Variants in DMD observed in about 807,000 individuals in gnomAD.
The protein encoded by DMD is dystrophin.
Under a neutral mutation model 330.1 loss-of-function variants are expected in DMD, and 63 were observed. The ratio of observed to expected loss-of-function variants is 0.19; its 90% CI spans 0.16 to 0.24. DMD has a LOEUF of 0.24. DMD is among the 10% of genes least tolerant of loss of function. The probability of loss-of-function intolerance (pLI) is 1.00; values close to 1 mark genes in which losing one functional copy is unlikely to be tolerated. For synonymous variants in DMD, 1,223 were observed against 959.8 expected, an observed-to-expected ratio of 1.27 and a Z score of -5.07; for missense variants, 3,344 against 2,684.1, an observed-to-expected ratio of 1.25 and a Z score of -5.43.
intron 19 of DMD, among the ~76,000 whole-genome samples, chrX:32,493,812 G>A (rs2043229977): frequency 9.0e-6 from 1 of 111,704 alleles, no homozygotes; most frequent in Non-Finnish European, 1.9e-5. Context: ...CAGATATTTA[G>A]GAGAAATATT....
intron 67 of DMD, among the ~76,000 whole-genome samples, chrX:31,183,868 T>C (rs113624509): frequency 1.4e-5 from 1 of 70,772 alleles, no homozygotes. Context: ...CTCCTTTTTT[T>C]AAAAAAAAAA....
In DMD at chrX:32,704,706, T is replaced by C. The variant is rs769981041; in HGVS notation, c.650-5413A>G. Among the ~76,000 whole-genome samples, 35 of 111,812 alleles carry C rather than the reference T, an allele frequency of 3.1e-4. No individual in the cohort carries two copies. In the South Asian group the frequency reaches 0.013, roughly 41 times the overall value. On this transcript the variant is annotated intron_variant, in intron 7 of 78. Transcript: ENST00000357033. ...ATCAACCTCCCCACAGGGTTTGTAT[T>C]AGGAAACAAAAATAAATAAATTCAC...
intron 13 of DMD, among the ~76,000 whole-genome samples, chrX:32,595,252 A>C: frequency 9.0e-6 from 1 of 111,569 alleles, no homozygotes; most frequent in Non-Finnish European, 1.9e-5. Flanking sequence ...AGCAAGTAGA[A>C]AACAAATACA....
intron 54 of DMD, among the ~76,000 whole-genome samples, chrX:31,629,321 C>T (rs1337672402): frequency 9.0e-6 from 1 of 111,527 alleles, no homozygotes; most frequent in African/African-American, 3.3e-5. Flanking sequence ...AGCAAAGCCC[C>T]CGGAAGAGCT....
chrX:33,117,064 T>TTA (rs371340026), intron 1 of DMD, among the ~76,000 whole-genome samples: 40,356 of 105,554 alleles, frequency 0.38, 6,303 homozygotes, highest in East Asian at 0.86. Flanking sequence ...CCAGGCCACA[T>TTA]TATATATATA....
At chrX:31,538,261 A>G (rs933060383) in intron 55 of DMD, among the ~76,000 whole-genome samples, 10 of 112,317 alleles carry the variant, frequency 8.9e-5, no homozygotes, top group Non-Finnish European at 1.9e-4. Context: ...ACATGAGGTC[A>G]GAAGTGGAGT....
intron 44 of DMD, among the ~76,000 whole-genome samples, chrX:31,987,143 T>C (rs1159054337): frequency 8.9e-6 from 1 of 112,344 alleles, no homozygotes; most frequent in African/African-American, 3.2e-5. Flanking sequence ...AAATCACTAC[T>C]GAATTGTTTA....
At chrX:32,189,370 C>CAAAA (rs201007036) in intron 44 of DMD, among the ~76,000 whole-genome samples, 1 of 82,016 alleles carries the variant, frequency 1.2e-5, no homozygotes, top group African/African-American at 4.0e-5. Flanking sequence ...CAGCAAACTA[C>CAAAA]AAAAAAAAAA....
At chrX:32,351,068 A>AG (rs1301790854) in intron 37 of DMD, among the ~76,000 whole-genome samples, 1 of 111,028 alleles carries the variant, frequency 9.0e-6, no homozygotes, top group East Asian at 2.8e-4. Flanking sequence ...TCTACCTCAC[A>AG]GGGCTATTAC....
chrX:33,003,042 C>A (rs2093322579), intron 2 of DMD, among the ~76,000 whole-genome samples: 1 of 108,978 alleles, frequency 9.2e-6, no homozygotes, highest in East Asian at 2.9e-4. Flanking sequence ...TTTTGGTTAC[C>A]TGGGTAAGTT....
At chrX:31,528,193 T>C (rs1445282739) in intron 55 of DMD, among the ~76,000 whole-genome samples, 4 of 94,300 alleles carry the variant, frequency 4.2e-5, no homozygotes, top group Non-Finnish European at 8.3e-5. Flanking sequence ...CAAGACACTT[T>C]AGGTTGTAAC....
intron 52 of DMD, among the ~76,000 whole-genome samples, chrX:31,685,733 G>T (rs910404219): frequency 8.0e-5 from 9 of 112,079 alleles, no homozygotes; most frequent in African/African-American, 2.9e-4. Context: ...TCCTCAGCTT[G>T]CTAGGTGCGC....
intron 55 of DMD, among the ~76,000 whole-genome samples, chrX:31,544,410 G>A (rs1327155348): frequency 9.1e-6 from 1 of 110,385 alleles, no homozygotes; most frequent in Admixed American, 9.6e-5. Flanking sequence ...AGCAGAAGCA[G>A]GATGGTCACT....
intron 51 of DMD, among the ~76,000 whole-genome samples, chrX:31,760,477 A>C (rs2149176850): frequency 8.9e-6 from 1 of 112,095 alleles, no homozygotes; most frequent in Admixed American, 9.4e-5. Flanking sequence ...AGATGTGATT[A>C]GATACACAAA....
intron 57 of DMD, among the ~76,000 whole-genome samples, chrX:31,494,117 T>C (rs1197091708): frequency 4.9e-5 from 5 of 102,820 alleles, no homozygotes; most frequent in Non-Finnish European, 9.9e-5. Flanking sequence ...GATTGTGCCA[T>C]TGCAACTCCA....
chrX:33,161,290 G>T (rs1419115989), intron 1 of DMD, among the ~76,000 whole-genome samples: 1 of 111,722 alleles, frequency 9.0e-6, no homozygotes, highest in Non-Finnish European at 1.9e-5. Context: ...GTCCAACAAG[G>T]TGTAGGTGCT....
At chrX:32,686,247 A>G (rs976958664) in intron 9 of DMD, among the ~76,000 whole-genome samples, 4 of 111,992 alleles carry the variant, frequency 3.6e-5, no homozygotes, top group African/African-American at 1.3e-4. Context: ...GTATCCACTA[A>G]TTATACATTT....
At chrX:32,493,228 A>G (rs774893488) in intron 19 of DMD, among the ~76,000 whole-genome samples, 1 of 111,861 alleles carries the variant, frequency 8.9e-6, no homozygotes, top group African/African-American at 3.2e-5. Flanking sequence ...TCATAATGAT[A>G]TTAATGCTGC....
intron 37 of DMD, among the ~76,000 whole-genome samples, chrX:32,359,279 T>G (rs1399506978): frequency 8.9e-6 from 1 of 111,912 alleles, no homozygotes; most frequent in African/African-American, 3.2e-5. Flanking sequence ...CACTTTGTAT[T>G]CTTCACCAAA....
Sources: allele counts gnomAD v4.1 joint callset (sites outside exome capture counted in the v4.1 genomes callset), GRCh38; gene constraint gnomAD v4.1.1; transcripts MANE v1.5; gene names NCBI Gene and HGNC (gene_info 2026-07-23, HGNC 2026-07-21).